The following INPP5F variants were observed in gnomAD, a reference collection of about 807,000 sequenced individuals.
INPP5F encodes the protein inositol polyphosphate-5-phosphatase F.
A neutral mutation model predicts 137.2 loss-of-function variants in INPP5F; 97 were observed. The observed-to-expected ratio is 0.71, with a 90% CI of 0.60 to 0.84. The LOEUF (loss-of-function observed/expected upper bound fraction) is 0.84, where lower values mean the gene tolerates loss of function less well. Ranked by LOEUF, INPP5F falls within the 40% of genes least tolerant of loss-of-function variation. The pLI, the probability that INPP5F is intolerant of heterozygous loss-of-function variation, is 0.00. For missense variants in INPP5F, 1,271 were observed against 1,371.9 expected (o/e 0.93, Z 1.16); for synonymous variants, 504 against 476.9 (o/e 1.06, Z -0.74).
Position 119,827,059 on chromosome 10 carries a change from G to C in INPP5F, c.2678G>C (p.Gly893Ala). The C allele has an allele frequency of 6.2e-7, 1 of 1,614,134 alleles. No individual in the cohort carries two copies. Among genetic ancestry groups the C allele is most frequent in the East Asian group, 2.2e-5 (1 of 44,882 alleles). ...ATAGATTACGTTCTTCCTAGTTGTGGTATTATTGCCTCAGCGCCTCGATTG... is the reference window on the plus strand; with the variant it reads ...ATAGATTACGTTCTTCCTAGTTGTGCTATTATTGCCTCAGCGCCTCGATTG... ...GPIDYVLPSC[G>A]IIASAPRLGS... The change falls in exon 20 of 20, where the codon GGT becomes GCT. Residue 893 changes from glycine to alanine, a missense_variant. By Grantham distance (60) the Gly-to-Ala change is moderately conservative. Around this residue, in one of 6 missense-constraint regions of INPP5F, gnomAD observed 490 missense variants for 443.7 expected, o/e 1.10. Coordinates refer to ENST00000650623, the MANE Select transcript of INPP5F (RefSeq NM_014937.4).
rs1208637197 is a variant in INPP5F at position 119,821,759 on chromosome 10, T to C, written c.1959-672T>C. 4.6e-5 allele frequency among the ~76,000 whole-genome samples: 7 copies of C among 151,946 alleles called. No homozygotes were observed. The East Asian group carries it at 1.2e-3, about 25-fold the overall frequency. On this transcript the variant is annotated intron_variant, in intron 16 of 19. Coordinates refer to ENST00000650623, the MANE Select transcript of INPP5F (RefSeq NM_014937.4). ...CCCTCCGTCTCTTGCTCTGTGTGTG[T>C]GTGCACACGCGCGCGCATGTGTTTG...
intron 1 of INPP5F, among the ~76,000 whole-genome samples, chr10:119,735,059 A>G (rs1249282739): frequency 6.6e-6 from 1 of 152,250 alleles, no homozygotes; most frequent in Non-Finnish European, 1.5e-5. Flanking sequence ...AAGTGAGGAT[A>G]AACACTGAAC....
At chr10:119,797,274 C>A (rs1022800577) in intron 7 of INPP5F, among the ~76,000 whole-genome samples, 187 bp from the exon 8 acceptor site, 2 of 152,152 alleles carry the variant, frequency 1.3e-5, no homozygotes, top group Non-Finnish European at 2.9e-5. Context: ...AACTGAGCTT[C>A]AACTTGTTAA....
chr10:119,798,757 T>C, intron 9 of INPP5F, 147 bp downstream of exon 9: 1 of 449,400 alleles, frequency 2.2e-6, no homozygotes, highest in Non-Finnish European at 3.8e-6. Context: ...TTTCTTAATA[T>C]TCTTTAAGAA....
At chr10:119,779,740 A>G (rs983064516) in intron 2 of INPP5F, among the ~76,000 whole-genome samples, 1 of 152,192 alleles carries the variant, frequency 6.6e-6, no homozygotes, top group African/African-American at 2.4e-5. Flanking sequence ...TCTTTCTTCA[A>G]TACTAAATTA....
rs765574070 is a variant in INPP5F, at chr10:119,751,132, A to C, written c.154A>C (p.Ile52Leu). 1.2e-6 allele frequency: 2 copies of C among 1,608,180 alleles called. No homozygotes were observed. Among genetic ancestry groups the C allele is most frequent in the African/African-American group, 2.7e-5 (2 of 74,798 alleles). Residue 52 changes from isoleucine (I) to leucine (L), a missense_variant, in exon 2 of 20, where the codon ATT becomes CTT. Physicochemically the swap from Ile to Leu is conservative, Grantham distance 5. Transcript: ENST00000650623. ...TTGTTTGGGGTTGGTAGAAGGTGTT[A>C]TTGGGAAAATTCAACTTCATTCAGG... is the stretch of plus-strand genomic sequence containing the variant. ...PICLGLVEGV[I>L]GKIQLHSDLP... is the part of the protein sequence containing the mutation.
At chr10:119,784,885 T>C (rs936364525) in intron 3 of INPP5F, among the ~76,000 whole-genome samples, 1 of 152,202 alleles carries the variant, frequency 6.6e-6, no homozygotes, top group African/African-American at 2.4e-5. Flanking sequence ...CCCAGCACCA[T>C]GCAACCACTA....
intron 2 of INPP5F, among the ~76,000 whole-genome samples, chr10:119,778,684 CT>C (rs1251492573): frequency 6.6e-6 from 1 of 152,170 alleles, no homozygotes; most frequent in Non-Finnish European, 1.5e-5. Context: ...CCAACCCATA[CT>C]CTTCTGAAAA....
chr10:119,827,108 C>T lies in INPP5F; in HGVS notation c.2727C>T (p.Ser909=). 6.2e-7 allele frequency: 1 copy of T among 1,614,108 alleles called. No homozygotes were observed. The highest frequency in any genetic ancestry group is 8.5e-7 in the Non-Finnish European group (1 of 1,180,022). The change falls in exon 20 of 20, where the codon AGC becomes AGT. Residue 909 remains serine, a synonymous_variant. Coordinates refer to ENST00000650623, the MANE Select transcript of INPP5F (RefSeq NM_014937.4). ...PRLGSRSQSL[S]STDSSVHAPS... ...TGGGCAGTCGGTCCCAGTCTCTTAG[C>T]AGCACAGATAGTAGCGTTCATGCTC...
chr10:119,733,968 T>C, intron 1 of INPP5F, among the ~76,000 whole-genome samples: 1 of 152,162 alleles, frequency 6.6e-6, no homozygotes, highest in African/African-American at 2.4e-5. Flanking sequence ...CCTTCTATAG[T>C]TTAAGCAGCA....
intron 15 of INPP5F, among the ~76,000 whole-genome samples, chr10:119,818,528 C>G (rs970671497): frequency 2.0e-5 from 3 of 152,250 alleles, no homozygotes; most frequent in Non-Finnish European, 4.4e-5. Context: ...CGCCAGCGAA[C>G]TCTCGCGGGA....
chr10:119,777,961 A>T (rs558864435), intron 2 of INPP5F, among the ~76,000 whole-genome samples: 1 of 152,280 alleles, frequency 6.6e-6, no homozygotes, highest in Admixed American at 6.5e-5. Context: ...TACTTGGGGA[A>T]TAAATGAGGG....
At chr10:119,814,030 C>T (rs1352590533) in intron 15 of INPP5F, among the ~76,000 whole-genome samples, 2 of 151,818 alleles carry the variant, frequency 1.3e-5, no homozygotes, top group Non-Finnish European at 2.9e-5. Flanking sequence ...TTCTTTAATC[C>T]AGCACTATAG....
intron 13 of INPP5F, among the ~76,000 whole-genome samples, chr10:119,809,511 C>CA (rs574584359): frequency 6.6e-6 from 1 of 152,116 alleles, no homozygotes; most frequent in Non-Finnish European, 1.5e-5. Flanking sequence ...AAGTTTAAGT[C>CA]ACCACTTCTC....
At chr10:119,754,883 A>G (rs753337456) in intron 2 of INPP5F, among the ~76,000 whole-genome samples, 31 of 152,182 alleles carry the variant, frequency 2.0e-4, no homozygotes, top group Non-Finnish European at 3.2e-4. Context: ...TGTGTGAGAA[A>G]GAATTGAGAA....
At chr10:119,814,428 C>T (rs1851179917) in intron 15 of INPP5F, 1 of 152,102 alleles carries the variant, frequency 6.6e-6, no homozygotes, top group African/African-American at 2.4e-5. Flanking sequence ...TAAAAGTTCC[C>T]AATGAAGAAT....
Position 119,796,707 on chromosome 10 carries a change from G to A in INPP5F, c.670-8G>A. On this transcript the variant is annotated splice_polypyrimidine_tract_variant and splice_region_variant and intron_variant, in intron 6 of 19. Transcript: ENST00000650623. ...ATAGAAACGATATCATGTTCATTTT[G>A]TTTTCAGACTCCAGATGTGGACTTT... is the stretch of plus-strand genomic sequence containing the variant. 1 of 1,609,840 alleles carries A rather than the reference G, an allele frequency of 6.2e-7. No homozygotes were observed. The highest frequency in any genetic ancestry group is 8.5e-7 in the Non-Finnish European group (1 of 1,175,994).
At chr10:119,728,996 G>A (rs910872290) in intron 1 of INPP5F, among the ~76,000 whole-genome samples, 1 of 152,214 alleles carries the variant, frequency 6.6e-6, no homozygotes, top group African/African-American at 2.4e-5. Context: ...CTAGGCTTTA[G>A]AGTACTTAGG....
chr10:119,815,653 G>A, intron 15 of INPP5F: 1 of 303,618 alleles, frequency 3.3e-6, no homozygotes, highest in South Asian at 3.7e-5. Flanking sequence ...AGGCAGAGAT[G>A]GGCAGGGGAG....
Sources: allele counts gnomAD v4.1 joint callset (sites outside exome capture counted in the v4.1 genomes callset), GRCh38; gene constraint gnomAD v4.1.1; regional missense constraint gnomAD v4.1.1; transcripts MANE v1.5; gene names NCBI Gene and HGNC (gene_info 2026-07-23, HGNC 2026-07-21).